TEX11: variants seen among roughly 807,000 people sequenced by gnomAD.
TEX11 encodes testis expressed 11, also known as testis-expressed protein 11.
TEX11 carries 7 observed loss-of-function variants against 84.4 expected under a neutral mutation model. That is an observed-to-expected ratio of 0.08 (90% confidence interval 0.05 to 0.16). The LOEUF is 0.16. Ranked by LOEUF, TEX11 falls within the 10% of genes least tolerant of loss-of-function variation. The pLI is 1.00. For synonymous variants in TEX11, 264 were observed against 222.8 expected (o/e 1.18, Z -1.64); for missense variants, 551 against 660.5 (o/e 0.83, Z 1.82).
intron 17 of TEX11, among the ~76,000 whole-genome samples, chrX:70,639,922 G>T (rs1374347180): frequency 8.9e-6 from 1 of 111,990 alleles, no homozygotes; most frequent in Non-Finnish European, 1.9e-5. Context: ...GGACGGAGAA[G>T]GACTTTGACG....
chrX:70,868,084 C>T (rs774261241), intron 4 of TEX11, among the ~76,000 whole-genome samples: 1 of 111,645 alleles, frequency 9.0e-6, no homozygotes, highest in South Asian at 3.7e-4. Context: ...TCAGGGTGAA[C>T]AGGCAACCTA....
At chrX:70,834,707 C>T (rs757387709) in intron 7 of TEX11, among the ~76,000 whole-genome samples, 1 of 106,275 alleles carries the variant, frequency 9.4e-6, no homozygotes, top group East Asian at 3.0e-4. Context: ...GAGGTTGCAG[C>T]GAGCTGAGAT....
chrX:70,755,679 T>C (rs899695561), intron 9 of TEX11, among the ~76,000 whole-genome samples: 10 of 112,210 alleles, frequency 8.9e-5, no homozygotes, highest in Non-Finnish European at 1.9e-4. Context: ...GCAAGATTGA[T>C]GCAGAAGATG....
At chrX:70,546,694 A>G (rs148967938) in intron 28 of TEX11, among the ~76,000 whole-genome samples, 2 of 111,317 alleles carry the variant, frequency 1.8e-5, no homozygotes, top group African/African-American at 6.5e-5. Flanking sequence ...ATAACAAAAA[A>G]AAGAAAAGAT....
At chrX:70,582,774 C>T (rs1641408552) in intron 25 of TEX11, among the ~76,000 whole-genome samples, 1 of 83,874 alleles carries the variant, frequency 1.2e-5, no homozygotes, top group Admixed American at 1.4e-4. Flanking sequence ...GTGATGGAAT[C>T]TCACTCTGTC....
chrX:70,664,596 T>C (rs762551538), intron 16 of TEX11, among the ~76,000 whole-genome samples: 7 of 111,545 alleles, frequency 6.3e-5, no homozygotes, highest in Non-Finnish European at 1.1e-4. Context: ...AATTATTTTA[T>C]ATATGTAAAT....
intron 25 of TEX11, among the ~76,000 whole-genome samples, chrX:70,559,927 C>T (rs2147953523): frequency 9.0e-6 from 1 of 111,314 alleles, no homozygotes; most frequent in African/African-American, 3.3e-5. Context: ...GCAGATACTG[C>T]CAAACAGTTT....
intron 16 of TEX11, among the ~76,000 whole-genome samples, chrX:70,668,463 A>G (rs777738480): frequency 1.8e-5 from 2 of 112,219 alleles, no homozygotes; most frequent in Non-Finnish European, 3.8e-5. Context: ...AGGGTATCCA[A>G]TCAATGTCTG....
intron 24 of TEX11, among the ~76,000 whole-genome samples, chrX:70,604,475 C>T (rs985482021): frequency 2.7e-5 from 3 of 110,828 alleles, no homozygotes; most frequent in Non-Finnish European, 5.7e-5. Context: ...TCTCTGTATC[C>T]CCAGTACCTA....
intron 25 of TEX11, among the ~76,000 whole-genome samples, chrX:70,583,458 G>GT (rs1254193900): frequency 8.9e-6 from 1 of 112,137 alleles, no homozygotes; most frequent in African/African-American, 3.2e-5. Flanking sequence ...TTATGGCTGA[G>GT]TACTATTTAA....
chrX:70,844,908 C>T (rs1270770943), intron 7 of TEX11, among the ~76,000 whole-genome samples: 1 of 109,890 alleles, frequency 9.1e-6, no homozygotes, highest in African/African-American at 3.3e-5. Context: ...GCACTCCAAC[C>T]TGTGTGGCAG....
At position 70,727,057 on chromosome X, in the gene TEX11, G is replaced by A. The variant is rs186247425; in HGVS notation, c.844-1714C>T. Among the ~76,000 whole-genome samples the A allele has an allele frequency of 1.8e-3, 203 of 111,008 alleles. 1 individual carries two copies. The highest frequency in any genetic ancestry group is 3.2e-3 in the Non-Finnish European group (170 of 52,958). ...CTTTTCACCAGTTACTGAGAAACAG[G>A]CTCCAGGTACAACAAACATACAAGA... is the stretch of plus-strand genomic sequence containing the variant. On this transcript the variant is annotated intron_variant, in intron 11 of 29. Transcript: ENST00000374333.
chrX:70,725,830 G>A lies in TEX11; in HGVS notation c.844-487C>T, dbSNP rs184603554. Among the ~76,000 whole-genome samples, 5 of 111,517 alleles carry A rather than the reference G, an allele frequency of 4.5e-5. No homozygotes were observed. The East Asian group carries it at 1.4e-3, about 31-fold the overall frequency. On this transcript the variant is annotated intron_variant, in intron 11 of 29. Coordinates refer to ENST00000374333, the MANE Select transcript of TEX11 (RefSeq NM_031276.3). ...GCCCTAAGCCATCTGTGATCTTCCC[G>A]GTTCCACTTTCGCCTGACAGGGTAC...
At chrX:70,723,033 T>C (rs987279890) in intron 12 of TEX11, among the ~76,000 whole-genome samples, 2 of 111,695 alleles carry the variant, frequency 1.8e-5, no homozygotes, top group Non-Finnish European at 1.9e-5. Flanking sequence ...TGTATGGCCA[T>C]AGGCAAGTTA....
chrX:70,529,130 A>C lies in TEX11; in HGVS notation c.2743T>G (p.Phe915Val). Reference protein sequence around the residue: ...EALSNNKGPVFHEHGYWSKSD With the variant: ...EALSNNKGPVVHEHGYWSKSD ...TTGCTCCAGTAGCCATGTTCATGAAAAACTGGGCCCTTGTTGTTACTCAAT... is the reference window on the plus strand; with the variant it reads ...TTGCTCCAGTAGCCATGTTCATGAACAACTGGGCCCTTGTTGTTACTCAAT... The change falls in exon 30 of 30, where the codon TTT (phenylalanine) becomes GTT (valine). Residue 915 changes from phenylalanine (F) to valine (V), a missense_variant. By Grantham distance (50) the Phe-to-Val change is conservative (BLOSUM62 -1). Coordinates refer to ENST00000374333, the MANE Select transcript of TEX11 (RefSeq NM_031276.3). 2 of 1,211,100 alleles carry C rather than the reference A, an allele frequency of 1.7e-6. No homozygotes were observed. Among genetic ancestry groups the C allele is most frequent in the Non-Finnish European group, 2.2e-6 (2 of 894,951 alleles).
chrX:70,848,443 C>T (rs2091490588), intron 7 of TEX11, among the ~76,000 whole-genome samples: 1 of 111,656 alleles, frequency 9.0e-6, no homozygotes, highest in Non-Finnish European at 1.9e-5. Flanking sequence ...TGCTCTAAAT[C>T]CTGTGTGTCT....
At chrX:70,825,607 A>T (rs1037448730) in intron 8 of TEX11, among the ~76,000 whole-genome samples, 5 of 111,996 alleles carry the variant, frequency 4.5e-5, no homozygotes, top group Non-Finnish European at 9.4e-5. Flanking sequence ...GTGAGATTTT[A>T]AAAGTTTTTA....
chrX:70,516,014 T>G, the TEX11 span, among the ~76,000 whole-genome samples: 38 of 112,226 alleles, frequency 3.4e-4, no homozygotes, highest in Admixed American at 1.8e-3. Context: ...GTAGATTCTG[T>G]ATATTAGCCC....
At chrX:70,687,389 A>G (rs2090198100) in intron 13 of TEX11, among the ~76,000 whole-genome samples, 2 of 111,432 alleles carry the variant, frequency 1.8e-5, no homozygotes, top group South Asian at 7.5e-4. Flanking sequence ...ACTGTCTCAT[A>G]CATTATTGAT....
Sources: gnomAD v4.1 joint callset for allele counts (sites outside exome capture counted in the v4.1 genomes callset) on GRCh38, gnomAD v4.1.1 for gene constraint, MANE v1.5 for transcripts, NCBI Gene and HGNC (gene_info 2026-07-23, HGNC 2026-07-21) for gene names.